Variants in C3orf49 observed in about 807,000 individuals in gnomAD.
The protein encoded by C3orf49 is chromosome 3 open reading frame 49, also known as putative uncharacterized protein C3orf49.
Under a neutral mutation model 13.3 loss-of-function variants are expected in C3orf49, and 27 were observed. The observed-to-expected ratio is 2.02, with a 90% CI of 1.49 to 2.79. The LOEUF is 2.79. Ranked by LOEUF, C3orf49 falls within the 30% of genes most tolerant of loss-of-function variation. The pLI, the probability that C3orf49 is intolerant of heterozygous loss-of-function variation, is 0.00. For synonymous variants in C3orf49, 87 were observed against 47.6 expected (o/e 1.83, Z -3.40); for missense variants, 242 against 134.2 (o/e 1.80, Z -3.97).
chr3:63,799,336 T>G, the C3orf49 span, among the ~76,000 whole-genome samples: 1 of 152,114 alleles, frequency 6.6e-6, no homozygotes, highest in African/African-American at 2.4e-5. Context: ...GGACAATACC[T>G]CAAATATTAG....
At chr3:63,821,603 A>G (rs1486202935) in intron 1 of C3orf49, among the ~76,000 whole-genome samples, 1 of 152,156 alleles carries the variant, frequency 6.6e-6, no homozygotes, top group Non-Finnish European at 1.5e-5. Context: ...CACATCATGG[A>G]CTATTACTCA....
At chr3:63,815,063 C>A (rs112803142), upstream of C3orf49, among the ~76,000 whole-genome samples, 5,061 of 152,166 alleles carry the variant, frequency 0.033, 168 homozygotes, top group African/African-American at 0.085. Flanking sequence ...TTTAAACAAC[C>A]AGATCTTGCA....
the C3orf49 span, among the ~76,000 whole-genome samples, chr3:63,796,586 C>A: frequency 6.6e-6 from 1 of 152,138 alleles, no homozygotes; most frequent in Non-Finnish European, 1.5e-5. Context: ...AAGATATATG[C>A]AATATACAAT....
the C3orf49 span, among the ~76,000 whole-genome samples, chr3:63,799,853 G>A: frequency 6.6e-6 from 1 of 152,054 alleles, no homozygotes; most frequent in Non-Finnish European, 1.5e-5. Context: ...TCCATCTAGG[G>A]CATTATAAAA....
chr3:63,833,632 A>C (rs573770922), intron 5 of C3orf49: 3 of 152,974 alleles, frequency 2.0e-5, no homozygotes, highest in African/African-American at 7.2e-5. Flanking sequence ...ACAGCCTGGA[A>C]CCTCTCTCCA....
chr3:63,786,503 T>C, the C3orf49 span, among the ~76,000 whole-genome samples: 1 of 152,206 alleles, frequency 6.6e-6, no homozygotes, highest in Non-Finnish European at 1.5e-5. Flanking sequence ...TTTGTTTGTT[T>C]GCTTGTTGAT....
intron 2 of C3orf49, among the ~76,000 whole-genome samples, chr3:63,826,127 T>G (rs1701462463): frequency 6.6e-6 from 1 of 152,214 alleles, no homozygotes; most frequent in African/African-American, 2.4e-5. Context: ...AATTAGGTAG[T>G]AAGGGTGTCT....
Position 63,827,703 on chromosome 3 carries a change from C to A in C3orf49, c.548C>A (p.Ser183Tyr). The change falls in exon 3 of 7, where the codon TCT becomes TAT. Residue 183 changes from serine (S) to tyrosine (Y), a missense_variant. Physicochemically the swap from Ser to Tyr is moderately radical, Grantham distance 144 (BLOSUM62 -2). Transcript: ENST00000295896. ...RRTTKRLSVT[S>Y]LPSGLQKGPY... ...ACCACCAAGCGGTTATCTGTGACAT[C>A]TCTTCCTTCAGGACTGCAAAAGGTA... is the stretch of plus-strand genomic sequence containing the variant. 1 of 702,996 alleles carries A rather than the reference C, an allele frequency of 1.4e-6. No homozygotes were observed. Among genetic ancestry groups the A allele is most frequent in the Non-Finnish European group, 2.6e-6 (1 of 385,008 alleles). The allele number at this position is 702,996 out of a possible 1,614,324, so 43.5% of individuals were successfully genotyped here.
Position 63,827,672 on chromosome 3 carries a change from A to T in C3orf49, c.517A>T (p.Arg173Trp), listed in dbSNP as rs141230373. Reference protein sequence around the residue: ...ITQGNTLLRARRTTKRLSVTS... With the variant: ...ITQGNTLLRAWRTTKRLSVTS... Reference sequence around the variant, plus strand: ...CCAGGGAAACACACTCCTTCGGGCCAGGAGAACCACCAAGCGGTTATCTGT... The same window carrying T: ...CCAGGGAAACACACTCCTTCGGGCCTGGAGAACCACCAAGCGGTTATCTGT... The change falls in exon 3 of 7, where the codon AGG becomes TGG. Residue 173 changes from arginine to tryptophan, a missense_variant. Coordinates refer to ENST00000295896, the MANE Select transcript of C3orf49 (RefSeq NM_001355236.2). 3,023 of 703,160 alleles carry T rather than the reference A, an allele frequency of 4.3e-3. 75 individuals carry two copies. Among genetic ancestry groups the T allele is most frequent in the African/African-American group, 0.027 (1,555 of 57,364 alleles). 43.6% of individuals were successfully genotyped at this position (703,160 alleles called of 1,614,324 possible). A position where few individuals can be genotyped will look rare whatever the true frequency, so the allele number is the denominator to read the frequency against.
At chr3:63,847,043 C>T (rs531913529) in intron 6 of C3orf49, among the ~76,000 whole-genome samples, 2 of 152,180 alleles carry the variant, frequency 1.3e-5, no homozygotes, top group African/African-American at 2.4e-5. Context: ...AGGGCTAGAA[C>T]GCCTCCTAGT....
At chr3:63,819,914 T>C (rs1406697648) in intron 1 of C3orf49, among the ~76,000 whole-genome samples, 1 of 152,204 alleles carries the variant, frequency 6.6e-6, no homozygotes. Flanking sequence ...GTGAAAATAC[T>C]ATTATTTTGA....
the C3orf49 span, among the ~76,000 whole-genome samples, chr3:63,811,468 G>C: frequency 6.6e-6 from 1 of 151,824 alleles, no homozygotes; most frequent in Non-Finnish European, 1.5e-5. Context: ...TGAGGAAGGA[G>C]AATGGTGTGA....
chr3:63,818,741 A>C (rs1167080567), upstream of C3orf49, among the ~76,000 whole-genome samples: 2 of 152,184 alleles, frequency 1.3e-5, no homozygotes, highest in Admixed American at 6.5e-5. Flanking sequence ...CCTTGTGGTG[A>C]GAAGTTCCAT....
the C3orf49 span, among the ~76,000 whole-genome samples, chr3:63,807,874 A>G: frequency 1.8e-3 from 275 of 150,262 alleles, 1 homozygote; most frequent in African/African-American, 6.3e-3. Context: ...AAAAAAAAAA[A>G]AAAAGAAAGA....
At chr3:63,804,551 T>C in the C3orf49 span, among the ~76,000 whole-genome samples, 1,728 of 152,274 alleles carry the variant, frequency 0.011, 17 homozygotes, top group Non-Finnish European at 0.014. Flanking sequence ...ATTCAATTCC[T>C]ATGCATTCTG....
the C3orf49 span, among the ~76,000 whole-genome samples, chr3:63,796,685 TCTC>T: frequency 6.6e-6 from 1 of 152,180 alleles, no homozygotes; most frequent in African/African-American, 2.4e-5. Flanking sequence ...ATTTCCAGTT[TCTC>T]CTCTTGTCAC....
In C3orf49 at chr3:63,834,100, A is replaced by G. The variant is rs371994096; in HGVS notation, c.849+2256A>G. On this transcript the variant is annotated intron_variant, in intron 5 of 6. Coordinates refer to ENST00000295896, the MANE Select transcript of C3orf49 (RefSeq NM_001355236.2). ...ACATTATGGTCATGTAGCTATTTCA[A>G]TATTCCTGGGAGTGGTGGGCAATTA... 5 of 1,610,478 alleles carry G rather than the reference A, an allele frequency of 3.1e-6. No individual in the cohort carries two copies. The African/African-American group carries it at 4.0e-5, about 13-fold the overall frequency.
the C3orf49 span, among the ~76,000 whole-genome samples, chr3:63,811,807 T>C: frequency 1.3e-5 from 2 of 151,194 alleles, no homozygotes; most frequent in African/African-American, 4.9e-5. Flanking sequence ...AATGCTGGCA[T>C]AGAATGATGG....
intron 2 of C3orf49, among the ~76,000 whole-genome samples, chr3:63,824,849 A>AG (rs1195988760): frequency 7.3e-4 from 111 of 151,458 alleles, no homozygotes; most frequent in African/African-American, 2.3e-3. Context: ...AAAAAAAAAA[A>AG]AAAAAGAAAA....
Sources: gnomAD v4.1 joint callset for allele counts (sites outside exome capture counted in the v4.1 genomes callset) on GRCh38, gnomAD v4.1.1 for gene constraint, MANE v1.5 for transcripts, NCBI Gene and HGNC (gene_info 2026-07-23, HGNC 2026-07-21) for gene names.